MCTP2: variants seen among roughly 807,000 people sequenced by gnomAD.
MCTP2 encodes the protein multiple C2 and transmembrane domain containing 2, also known as multiple C2 and transmembrane domain-containing protein 2.
MCTP2 carries 132 observed loss-of-function variants against 111.6 expected under a neutral mutation model. That is an observed-to-expected ratio of 1.18 (90% CI 1.03 to 1.37). The LOEUF (loss-of-function observed/expected upper bound fraction) is 1.37. Ranked by LOEUF, MCTP2 falls within the 40% of genes most tolerant of loss-of-function variation. The pLI, the probability that MCTP2 is intolerant of heterozygous loss-of-function variation, is 0.00. For synonymous variants in MCTP2, 395 were observed against 387.7 expected (o/e 1.02, Z -0.22); for missense variants, 1,183 against 1,067.9 (o/e 1.11, Z -1.50).
intron 1 of MCTP2, among the ~76,000 whole-genome samples, chr15:94,241,960 G>A (rs1347155890): frequency 6.6e-6 from 1 of 152,052 alleles, no homozygotes; most frequent in Non-Finnish European, 1.5e-5. Context: ...GATTTTATTA[G>A]TTTCTTTGAG....
intron 4 of MCTP2, among the ~76,000 whole-genome samples, chr15:94,328,572 C>G (rs77776262): frequency 6.6e-6 from 1 of 152,112 alleles, no homozygotes; most frequent in Non-Finnish European, 1.5e-5. Context: ...CCCACATGTC[C>G]GTGATTTACT....
intron 17 of MCTP2, 98 bp downstream of exon 17, chr15:94,402,117 T>C: frequency 2.0e-6 from 3 of 1,464,718 alleles, no homozygotes; most frequent in East Asian, 2.3e-5. Context: ...GTGGGGGTTG[T>C]CTTTCTAAGA....
intron 20 of MCTP2, among the ~76,000 whole-genome samples, chr15:94,459,826 C>G (rs894239801): frequency 3.3e-5 from 5 of 152,224 alleles, no homozygotes; most frequent in African/African-American, 1.2e-4. Context: ...GCAACACCAA[C>G]TGTTATCGCA....
chr15:94,328,252 ATG>A (rs2076972237), intron 4 of MCTP2, among the ~76,000 whole-genome samples: 1 of 150,218 alleles, frequency 6.7e-6, no homozygotes, highest in African/African-American at 2.5e-5. Context: ...CCTCAGCCTC[ATG>A]AGTAGCTGGG....
chr15:94,342,909 T>C (rs1406035074), intron 7 of MCTP2: 1 of 137,540 alleles, frequency 7.3e-6, no homozygotes, highest in Non-Finnish European at 1.5e-5. Flanking sequence ...CATATTTATG[T>C]ATATGGAGAT....
At chr15:94,350,064 C>T (rs1176113584) in intron 8 of MCTP2, among the ~76,000 whole-genome samples, 1 of 152,162 alleles carries the variant, frequency 6.6e-6, no homozygotes, top group Non-Finnish European at 1.5e-5. Context: ...AAATGAGGTG[C>T]AGCCATCTTT....
At chr15:94,247,496 G>A (rs1163853204) in intron 1 of MCTP2, among the ~76,000 whole-genome samples, 1 of 152,096 alleles carries the variant, frequency 6.6e-6, no homozygotes, top group Non-Finnish European at 1.5e-5. Context: ...TTACTCTGTT[G>A]TGGAGTTCAG....
At chr15:94,413,651 T>G (rs2082254829) in intron 17 of MCTP2, among the ~76,000 whole-genome samples, 2 of 152,004 alleles carry the variant, frequency 1.3e-5, no homozygotes, top group Admixed American at 6.6e-5. Context: ...AGAGGCCATT[T>G]CCTCCCTTAG....
chr15:94,412,152 G>C (rs2082179415), intron 17 of MCTP2, among the ~76,000 whole-genome samples: 1 of 152,112 alleles, frequency 6.6e-6, no homozygotes, highest in South Asian at 2.1e-4. Flanking sequence ...TTTTCCCAAG[G>C]CCTCCTCATT....
At chr15:94,321,505 A>G (rs1596350752) in intron 4 of MCTP2, among the ~76,000 whole-genome samples, 1 of 152,336 alleles carries the variant, frequency 6.6e-6, no homozygotes, top group East Asian at 1.9e-4. Context: ...ATAGTAATTA[A>G]TGAATAATCA....
chr15:94,271,242 G>A (rs1167070358), intron 1 of MCTP2, among the ~76,000 whole-genome samples: 1 of 152,162 alleles, frequency 6.6e-6, no homozygotes. Context: ...ATTTTGATAA[G>A]CTTTGCAAGA....
chr15:94,423,153 A>C (rs919617016), intron 17 of MCTP2, among the ~76,000 whole-genome samples: 2 of 152,186 alleles, frequency 1.3e-5, no homozygotes, highest in Non-Finnish European at 2.9e-5. Flanking sequence ...TTTGTCTTCC[A>C]AGTGATTTTC....
rs202093309 is a variant in MCTP2, at chr15:94,470,421, C to T, written c.2449C>T (p.Arg817Trp). The T allele has an allele frequency of 9.9e-5, 160 of 1,610,722 alleles. 3 individuals carry two copies. Among genetic ancestry groups the T allele is most frequent in the South Asian group, 5.6e-4 (51 of 91,004 alleles). Reference protein sequence around the residue: ...ATIILYFIPLRYIILIWGINK... With the variant: ...ATIILYFIPLWYIILIWGINK... ...CATCATTTTGTATTTCATTCCACTG[C>T]GGTACATCATTTTAATCTGGGGTAA... The change falls in exon 21 of 23, where the codon CGG (arginine) becomes TGG (tryptophan). Residue 817 changes from arginine to tryptophan, a missense_variant. Transcript: ENST00000357742.
chr15:94,398,961 A>G lies in MCTP2; in HGVS notation c.1789A>G (p.Ile597Val). The change falls in exon 15 of 23, where the codon ATT (isoleucine) becomes GTT (valine). Residue 597 changes from isoleucine to valine, a missense_variant and splice_region_variant. Ile to Val is a conservative substitution (Grantham distance 29). Transcript: ENST00000357742. ...GTATTTTGTCTTTTGTTTGTGACAG[A>G]TTAGAGATGGACAACCGAATTGTTA... is the stretch of plus-strand genomic sequence containing the variant. Reference protein sequence around the residue: ...LGKVAIPLLSIRDGQPNCYVL... With the variant: ...LGKVAIPLLSVRDGQPNCYVL... 1 of 1,529,016 alleles carries G rather than the reference A, an allele frequency of 6.5e-7. No homozygotes were observed. Among genetic ancestry groups the G allele is most frequent in the Non-Finnish European group, 9.1e-7 (1 of 1,104,518 alleles). The allele number at this position is 1,529,016 out of a possible 1,614,324, so 94.7% of individuals were successfully genotyped here. A position where few individuals can be genotyped will look rare whatever the true frequency, so the allele number is the denominator to read the frequency against.
intron 2 of MCTP2, among the ~76,000 whole-genome samples, chr15:94,300,807 A>G (rs1238907603): frequency 1.3e-5 from 2 of 152,088 alleles, no homozygotes; most frequent in Non-Finnish European, 2.9e-5. Context: ...CCAAGTTGGC[A>G]CAGAGGATAG....
At chr15:94,460,201 G>C (rs1337770001) in intron 20 of MCTP2, among the ~76,000 whole-genome samples, 1 of 152,170 alleles carries the variant, frequency 6.6e-6, no homozygotes, top group Non-Finnish European at 1.5e-5. Context: ...CCCAGGAAGA[G>C]ATGTAGGAGA....
intron 1 of MCTP2, among the ~76,000 whole-genome samples, chr15:94,280,757 A>G (rs557271722): frequency 6.6e-6 from 1 of 152,188 alleles, no homozygotes; most frequent in East Asian, 1.9e-4. Flanking sequence ...CTTAAACTCC[A>G]ACTGTGTCCC....
At chr15:94,437,376 C>T (rs2083538459) in intron 17 of MCTP2, among the ~76,000 whole-genome samples, 1 of 151,546 alleles carries the variant, frequency 6.6e-6, no homozygotes, top group African/African-American at 2.4e-5. Flanking sequence ...GTTTCTGTAC[C>T]CAGCATTAAC....
At chr15:94,269,848 C>G (rs568233690) in intron 1 of MCTP2, among the ~76,000 whole-genome samples, 126 of 152,070 alleles carry the variant, frequency 8.3e-4, no homozygotes, top group Non-Finnish European at 1.1e-3. Context: ...TGTTCCAACT[C>G]TGATATTTAG....
Sources: gnomAD v4.1 joint callset for allele counts (sites outside exome capture counted in the v4.1 genomes callset) on GRCh38, gnomAD v4.1.1 for gene constraint, MANE v1.5 for transcripts, NCBI Gene and HGNC (gene_info 2026-07-23, HGNC 2026-07-21) for gene names.